AGBL4: variants seen among roughly 807,000 people sequenced by gnomAD.
AGBL4 encodes AGBL carboxypeptidase 4.
Under a neutral mutation model 66.4 loss-of-function variants are expected in AGBL4, and 58 were observed. That is an observed-to-expected ratio of 0.87 (90% CI 0.71 to 1.09). The LOEUF is 1.09. Among genes scored for constraint, AGBL4 ranks in the 50% least tolerant of loss-of-function variants. AGBL4 has a pLI of 0.00. For synonymous variants in AGBL4, 234 were observed against 222.9 expected, an observed-to-expected ratio of 1.05 and a Z score of -0.44; for missense variants, 579 against 631.0, an observed-to-expected ratio of 0.92 and a Z score of 0.88.
chr1:49,861,465 A>G (rs748726613), intron 1 of AGBL4, among the ~76,000 whole-genome samples: 11 of 152,120 alleles, frequency 7.2e-5, no homozygotes, highest in Non-Finnish European at 1.0e-4. Flanking sequence ...GGCACTGGTC[A>G]GAGTAATGAG....
intron 1 of AGBL4, among the ~76,000 whole-genome samples, chr1:49,940,343 A>T (rs983374493): frequency 6.6e-6 from 1 of 152,214 alleles, no homozygotes; most frequent in Non-Finnish European, 1.5e-5. Flanking sequence ...CAGCCATCCC[A>T]TTACTGGGTA....
chr1:49,071,559 T>C (rs1268451603), intron 4 of AGBL4, among the ~76,000 whole-genome samples: 1 of 151,936 alleles, frequency 6.6e-6, no homozygotes, highest in Non-Finnish European at 1.5e-5. Flanking sequence ...CAGTTTTGAG[T>C]GAGTTTCTTA....
intron 1 of AGBL4, among the ~76,000 whole-genome samples, chr1:49,940,124 G>C (rs12135030): frequency 0.051 from 7,690 of 152,246 alleles, 299 homozygotes; most frequent in East Asian, 0.15. Context: ...CTGGCCATCA[G>C]AGAAATGCAA....
chr1:49,405,261 C>T (rs773311743), intron 3 of AGBL4, among the ~76,000 whole-genome samples: 1 of 152,190 alleles, frequency 6.6e-6, no homozygotes, highest in African/African-American at 2.4e-5. Flanking sequence ...TACCCGTTCT[C>T]ACCGGCTCTC....
intron 5 of AGBL4, among the ~76,000 whole-genome samples, chr1:48,881,380 C>T (rs1318366343): frequency 6.6e-6 from 1 of 152,152 alleles, no homozygotes; most frequent in East Asian, 1.9e-4. Flanking sequence ...TTATAGCTCA[C>T]ATAGTGAAAA....
intron 6 of AGBL4, among the ~76,000 whole-genome samples, chr1:48,758,190 T>A (rs1318213299): frequency 1.3e-5 from 2 of 152,226 alleles, no homozygotes; most frequent in Non-Finnish European, 2.9e-5. Context: ...CCTAAGGTCA[T>A]GTGCCTCCCT....
intron 2 of AGBL4, among the ~76,000 whole-genome samples, chr1:49,828,936 G>A (rs1033651215): frequency 2.6e-5 from 4 of 152,090 alleles, no homozygotes; most frequent in Admixed American, 2.0e-4. Flanking sequence ...GGGCGCGGTG[G>A]CAGACACCTG....
At chr1:48,618,344 G>A (rs542285949) in intron 9 of AGBL4, among the ~76,000 whole-genome samples, 10 of 152,314 alleles carry the variant, frequency 6.6e-5, no homozygotes, top group South Asian at 2.1e-4. Flanking sequence ...CAAGACCCAC[G>A]TGCTAGTGAT....
chr1:49,741,335 C>T (rs1364869156), intron 2 of AGBL4, among the ~76,000 whole-genome samples: 1 of 152,124 alleles, frequency 6.6e-6, no homozygotes, highest in African/African-American at 2.4e-5. Context: ...CATACACCCT[C>T]CCAAGACTAA....
At chr1:49,208,791 C>T (rs574831187) in intron 4 of AGBL4, among the ~76,000 whole-genome samples, 3 of 152,174 alleles carry the variant, frequency 2.0e-5, no homozygotes, top group South Asian at 4.1e-4. Context: ...AGAACAGGGC[C>T]GTGCCTGACT....
intron 3 of AGBL4, among the ~76,000 whole-genome samples, chr1:49,530,278 A>AAAAAAAAAAAAAAC (rs1186915086): frequency 3.4e-5 from 5 of 145,112 alleles, no homozygotes; most frequent in African/African-American, 7.4e-5. Context: ...AAAAACAAAA[A>AAAAAAAAAAAAAAC]AAAACTCTAT....
chr1:49,496,642 G>A (rs1429285860), intron 3 of AGBL4, among the ~76,000 whole-genome samples: 2 of 147,806 alleles, frequency 1.4e-5, no homozygotes, highest in Non-Finnish European at 3.0e-5. Context: ...TTCTGTGCCT[G>A]TATTATTTCA....
rs1471573712 is a variant in AGBL4 at position 48,821,066 on chromosome 1, C to T, written c.634+46125G>A. Reference sequence around the variant, plus strand: ...AACCACATTGAGATATCATCTTACACCAGTAAGAATGGCTATCATTAAAAA... The same window carrying T: ...AACCACATTGAGATATCATCTTACATCAGTAAGAATGGCTATCATTAAAAA... On this transcript the variant is annotated intron_variant, in intron 6 of 13. Transcript: ENST00000371839. Among the ~76,000 whole-genome samples, 16 of 152,068 alleles carry T rather than the reference C, an allele frequency of 1.1e-4. No individual in the cohort carries two copies. In the East Asian group the frequency reaches 2.7e-3, roughly 26 times the overall value.
At chr1:49,411,921 T>A (rs557095245) in intron 3 of AGBL4, among the ~76,000 whole-genome samples, 23 of 152,222 alleles carry the variant, frequency 1.5e-4, no homozygotes, top group Non-Finnish European at 2.2e-4. Flanking sequence ...TTAAGAAATA[T>A]CAGAAATCCA....
At chr1:49,288,233 A>T (rs1416320253) in intron 3 of AGBL4, among the ~76,000 whole-genome samples, 1 of 88,180 alleles carries the variant, frequency 1.1e-5, no homozygotes, top group African/African-American at 4.5e-5. Flanking sequence ...GGGAGGGGGG[A>T]GGGATAGCAT....
chr1:49,748,225 T>C (rs1457173072), intron 2 of AGBL4, among the ~76,000 whole-genome samples: 1 of 152,110 alleles, frequency 6.6e-6, no homozygotes, highest in Admixed American at 6.6e-5. Context: ...TATGTTCTCG[T>C]TGTTCACCTC....
At chr1:48,806,273 T>A (rs1645921874) in intron 6 of AGBL4, among the ~76,000 whole-genome samples, 1 of 152,140 alleles carries the variant, frequency 6.6e-6, no homozygotes, top group African/African-American at 2.4e-5. Flanking sequence ...CATGTGAAGA[T>A]GGTAGAATGG....
At chr1:49,566,620 G>A (rs986256154) in intron 3 of AGBL4, among the ~76,000 whole-genome samples, 1 of 152,186 alleles carries the variant, frequency 6.6e-6, no homozygotes, top group Non-Finnish European at 1.5e-5. Context: ...GCGGATATTG[G>A]TGAACCGCAA....
intron 2 of AGBL4, among the ~76,000 whole-genome samples, chr1:49,810,584 CAAA>C (rs1645076984): frequency 6.6e-6 from 1 of 151,768 alleles, no homozygotes; most frequent in Non-Finnish European, 1.5e-5. Context: ...ATTTCTAAAA[CAAA>C]AGAATAATGA....
Sources: allele counts gnomAD v4.1 joint callset (sites outside exome capture counted in the v4.1 genomes callset), GRCh38; gene constraint gnomAD v4.1.1; transcripts MANE v1.5; gene names NCBI Gene and HGNC (gene_info 2026-07-23, HGNC 2026-07-21).